Variants in COLEC12 observed in about 807,000 individuals in gnomAD.
The protein encoded by COLEC12 is collectin subfamily member 12.
Under a neutral mutation model 71.1 loss-of-function variants are expected in COLEC12, and 33 were observed. That is an observed-to-expected ratio of 0.46 (90% CI 0.35 to 0.62). COLEC12 has a LOEUF of 0.62. Among genes scored for constraint, COLEC12 ranks in the 20% least tolerant of loss-of-function variants. COLEC12 has a pLI of 0.00. For synonymous variants in COLEC12, 350 were observed against 353.0 expected, an observed-to-expected ratio of 0.99 and a Z score of 0.10; for missense variants, 765 against 916.1, an observed-to-expected ratio of 0.84 and a Z score of 2.13.
chr18:378,594 TTGCAATCCATTTCTTGGCAATTGCTAG>T (rs1330933821), intron 2 of COLEC12, among the ~76,000 whole-genome samples: 1 of 152,146 alleles, frequency 6.6e-6, no homozygotes, highest in African/African-American at 2.4e-5. Context: ...CAGGAGGACT[TTGCAATCCATTTCTTGGCAATTGCTAG>T]TAAAAGTTGT....
chr18:346,148 C>A lies in COLEC12; in HGVS notation c.1327+147G>T, dbSNP rs775939129. The A allele has an allele frequency of 2.8e-5, 18 of 638,590 alleles. No individual in the cohort carries two copies. Among genetic ancestry groups the A allele is most frequent in the Non-Finnish European group, 4.3e-5 (16 of 371,744 alleles). 39.6% of individuals were successfully genotyped at this position (638,590 alleles called of 1,614,324 possible). A position where few individuals can be genotyped will look rare whatever the true frequency, so the allele number is the denominator to read the frequency against. ...CCTCATGAAAAACAGTGAGTCAGGA[C>A]CATCTAGCTAAGCTGCTCTTGAATT... On this transcript the variant is annotated intron_variant, in intron 5 of 9. Coordinates refer to ENST00000400256, the MANE Select transcript of COLEC12 (RefSeq NM_130386.3). This position sits in a 1 kb window ranked among gnomAD's most constrained non-coding sequence, Gnocchi z 4.0.
chr18:369,659 A>T (rs1914957746), intron 2 of COLEC12, among the ~76,000 whole-genome samples: 1 of 152,112 alleles, frequency 6.6e-6, no homozygotes, highest in African/African-American at 2.4e-5. Flanking sequence ...AAACAAGGTA[A>T]ATTTCAAATT....
intron 2 of COLEC12, among the ~76,000 whole-genome samples, chr18:394,769 C>T (rs570916688): frequency 5.1e-4 from 77 of 152,296 alleles, no homozygotes; most frequent in African/African-American, 1.8e-3. Flanking sequence ...TCCGCAGAAG[C>T]GCCACTTGAC....
intron 2 of COLEC12, 139 bp from the exon 3 acceptor site, chr18:357,661 G>T (rs1914658168): frequency 1.6e-6 from 1 of 609,148 alleles, no homozygotes; most frequent in African/African-American, 1.9e-5. Flanking sequence ...TATTTTGACA[G>T]TAAACACACT....
chr18:349,072 C>T (rs1023971337), intron 3 of COLEC12, among the ~76,000 whole-genome samples: 20 of 151,724 alleles, frequency 1.3e-4, no homozygotes, highest in South Asian at 1.2e-3. Flanking sequence ...TTTCTCTTGC[C>T]GTCCCAAATG....
At position 414,352 on chromosome 18, in the gene COLEC12, G is replaced by A. The variant is rs552429583; in HGVS notation, c.59-56830C>T. ...CACCTGTAATCCTAGCACTTTGGGA[G>A]GCCGAGGCGGGTGGATCACCTGAGG... On this transcript the variant is annotated intron_variant, in intron 2 of 9. Transcript: ENST00000400256. 2.0e-5 allele frequency among the ~76,000 whole-genome samples: 3 copies of A among 152,284 alleles called. No homozygotes were observed. The South Asian group carries it at 6.2e-4, about 32-fold the overall frequency.
chr18:336,769 G>C lies in COLEC12; in HGVS notation c.1328-1539C>G, dbSNP rs138119264. On this transcript the variant is annotated intron_variant, in intron 5 of 9. Coordinates refer to ENST00000400256, the MANE Select transcript of COLEC12 (RefSeq NM_130386.3). ...CAGGTCTTCTGATGTTGAAATGAAT[G>C]AATCTTAGAGTTTCTGAAATCTCAC... Among the ~76,000 whole-genome samples the C allele has an allele frequency of 3.8e-3, 572 of 152,262 alleles. 2 individuals carry two copies. The highest frequency in any genetic ancestry group is 0.013 in the African/African-American group (532 of 41,532).
At chr18:349,595 C>T (rs1041582949) in intron 3 of COLEC12, among the ~76,000 whole-genome samples, 1 of 152,166 alleles carries the variant, frequency 6.6e-6, no homozygotes. Context: ...AAGGGTAGAT[C>T]CACTGACAGT....
rs188787688 is a variant in COLEC12, at chr18:329,532, A to T, written c.2063+2136T>A. ...GATGGTGATTCCTGCAACTGTTTTG[A>T]GTCTCCTAAAGTGTGTCCCTGCTGT... is the stretch of plus-strand genomic sequence containing the variant. On this transcript the variant is annotated intron_variant, in intron 8 of 9. Coordinates refer to ENST00000400256, the MANE Select transcript of COLEC12 (RefSeq NM_130386.3). Among the ~76,000 whole-genome samples, 5 of 152,288 alleles carry T rather than the reference A, an allele frequency of 3.3e-5. No homozygotes were observed. The East Asian group carries it at 9.6e-4, about 29-fold the overall frequency.
intron 2 of COLEC12, among the ~76,000 whole-genome samples, chr18:413,685 C>T (rs149261708): frequency 1.3e-5 from 2 of 152,260 alleles, no homozygotes; most frequent in African/African-American, 4.8e-5. Flanking sequence ...AGCATCTGTA[C>T]GTGAATGTTT....
intron 2 of COLEC12, among the ~76,000 whole-genome samples, chr18:360,540 G>A (rs978483019): frequency 6.6e-6 from 1 of 152,176 alleles, no homozygotes; most frequent in Non-Finnish European, 1.5e-5. Context: ...TGCTGATGCT[G>A]ATGCTGATGC....
chr18:430,913 G>A (rs1916290117), intron 2 of COLEC12, among the ~76,000 whole-genome samples: 4 of 152,174 alleles, frequency 2.6e-5, no homozygotes, highest in Admixed American at 2.6e-4. Flanking sequence ...AATTTTACTT[G>A]TAAAATCAAT....
chr18:353,522 C>A (rs918704801), intron 3 of COLEC12, among the ~76,000 whole-genome samples: 1 of 152,192 alleles, frequency 6.6e-6, no homozygotes, highest in Non-Finnish European at 1.5e-5. Context: ...AATAAAGAAT[C>A]CCTTAAGGGG....
intron 2 of COLEC12, among the ~76,000 whole-genome samples, chr18:376,546 C>T (rs180764283): frequency 3.0e-4 from 46 of 152,248 alleles, no homozygotes; most frequent in African/African-American, 7.0e-4. Context: ...TTCAAAAGAT[C>T]ATTTTGCTTC....
rs1226269821 is a variant in COLEC12 at position 317,968 on chromosome 18, G to A, written c.*2077C>T. 1.5e-5 allele frequency: 2 copies of A among 129,412 alleles called. No individual in the cohort carries two copies. The highest frequency in any genetic ancestry group is 3.2e-5 in the Non-Finnish European group (2 of 62,070). 8.0% of individuals were successfully genotyped at this position (129,412 alleles called of 1,614,324 possible). On this transcript the variant is annotated 3_prime_UTR_variant, in exon 10 of 10. Coordinates refer to ENST00000400256, the MANE Select transcript of COLEC12 (RefSeq NM_130386.3). ...TTCGCAGGTGGGAAAGTCAAACTCT[G>A]TCTTTATTCTTTTTTTTTTTTCTTT...
chr18:346,928 G>T lies in COLEC12; in HGVS notation c.694C>A (p.Gln232Lys). 1 of 1,614,156 alleles carries T rather than the reference G, an allele frequency of 6.2e-7. No homozygotes were observed. The highest frequency in any genetic ancestry group is 8.5e-7 in the Non-Finnish European group (1 of 1,180,000). The stretch of plus-strand genomic sequence containing the variant: ...TCGTTCTTGATTCGCTGGATAGCCT[G>T]GCTTGTGTCATCCACAGACCGCTGC... ...NLQRSVDDTS[Q>K]AIQRIKNDFQ... Residue 232 changes from glutamine (Q) to lysine (K), a missense_variant, in exon 5 of 10, where the codon CAG becomes AAG. Coordinates refer to ENST00000400256, the MANE Select transcript of COLEC12 (RefSeq NM_130386.3). The surrounding 1 kb of genome is among the most constrained non-coding windows in gnomAD (Gnocchi z 4.0).
chr18:389,348 G>A (rs968239959), intron 2 of COLEC12, among the ~76,000 whole-genome samples: 2 of 150,572 alleles, frequency 1.3e-5, no homozygotes, highest in African/African-American at 4.9e-5. Context: ...CTGCGATCTC[G>A]GCTCACTGCA....
intron 2 of COLEC12, among the ~76,000 whole-genome samples, chr18:359,834 T>C (rs1279695111): frequency 1.3e-5 from 2 of 152,250 alleles, no homozygotes; most frequent in African/African-American, 4.8e-5. Flanking sequence ...GGGTAAGTCA[T>C]GAGGATTAAG....
At chr18:365,758 C>T (rs592379) in intron 2 of COLEC12, among the ~76,000 whole-genome samples, 100,844 of 151,768 alleles carry the variant, frequency 0.66, 34,328 homozygotes, top group African/African-American at 0.78. Flanking sequence ...CTCCTTGACC[C>T]TGTGGTTCAG....
Sources: allele counts gnomAD v4.1 joint callset (sites outside exome capture counted in the v4.1 genomes callset), GRCh38; gene constraint gnomAD v4.1.1; non-coding constraint Gnocchi (gnomAD v3.1); transcripts MANE v1.5; gene names NCBI Gene and HGNC (gene_info 2026-07-23, HGNC 2026-07-21).